Variants in TRMU observed in about 807,000 individuals in gnomAD.
The protein encoded by TRMU is tRNA mitochondrial 2-thiouridylase, also known as mitochondrial tRNA-specific 2-thiouridylase 1.
A neutral mutation model predicts 46.9 loss-of-function variants in TRMU; 49 were observed. The ratio of observed to expected loss-of-function variants is 1.05; its 90% CI spans 0.83 to 1.33. TRMU has a LOEUF of 1.33. Among genes scored for constraint, TRMU ranks in the 40% most tolerant of loss-of-function variants. The pLI, the probability that TRMU is intolerant of heterozygous loss-of-function variation, is 0.00. For synonymous variants in TRMU, 241 were observed against 200.9 expected, an observed-to-expected ratio of 1.20 and a Z score of -1.69; for missense variants, 572 against 532.4, an observed-to-expected ratio of 1.07 and a Z score of -0.73.
Position 46,335,793 on chromosome 22 carries a change from C to G in TRMU, c.29C>G (p.Ala10Gly). Residue 10 changes from alanine to glycine, a missense_variant, in exon 1 of 11, where the codon GCC becomes GGC. By Grantham distance (60) the Ala-to-Gly change is moderately conservative. Transcript: ENST00000645190. MQALRHVVCALSGGVDSAVA... is the reference protein window; with the variant it reads MQALRHVVCGLSGGVDSAVA... ...CAGGCCTTGCGGCACGTCGTGTGCG[C>G]CCTGTCCGGCGGCGTGGACAGCGCC... 1 of 1,561,910 alleles carries G rather than the reference C, an allele frequency of 6.4e-7. No homozygotes were observed. The highest frequency in any genetic ancestry group is 2.4e-5 in the East Asian group (1 of 42,076).
chr22:46,356,253 A>G, intron 10 of TRMU, 181 bp downstream of exon 10: 2 of 642,610 alleles, frequency 3.1e-6, no homozygotes, highest in Non-Finnish European at 5.5e-6. Flanking sequence ...GACAACTGTG[A>G]GAGGATTTCC....
rs190976408 is a variant in TRMU, at chr22:46,347,731, C to G, written c.478+1187C>G. ...TTTCACAGATGAGGAAACCGAGGCCCGGATGAAGCCATCTGACCTGGGTCC... is the reference window on the plus strand; with the variant it reads ...TTTCACAGATGAGGAAACCGAGGCCGGGATGAAGCCATCTGACCTGGGTCC... On this transcript the variant is annotated intron_variant, in intron 4 of 10. Transcript: ENST00000645190. This position sits in a 1 kb window ranked among gnomAD's most constrained non-coding sequence, Gnocchi z 5.0. 6.6e-6 allele frequency among the ~76,000 whole-genome samples: 1 copy of G among 152,162 alleles called. No homozygotes were observed. The highest frequency in any genetic ancestry group is 1.5e-5 in the Non-Finnish European group (1 of 68,030).
At chr22:46,356,603 CT>C in intron 10 of TRMU, 3 of 570,206 alleles carry the variant, frequency 5.3e-6, no homozygotes, top group Non-Finnish European at 9.4e-6. Flanking sequence ...GGAGAGGCCC[CT>C]GTGACTGTCC....
chr22:46,353,126 T>C (rs546657384), intron 7 of TRMU: 4 of 161,016 alleles, frequency 2.5e-5, no homozygotes, highest in Admixed American at 1.1e-4. Context: ...CAGCTTTGCT[T>C]GGGACAGAAC....
rs1403394311 is a variant in TRMU at position 46,336,137 on chromosome 22, G to A, written c.82+291G>A. ...AAGCCGGCGGGCCGGGGTGGGGTGGGGAGGGAAGGGTTTCTCACGGATCTG... is the reference window on the plus strand; with the variant it reads ...AAGCCGGCGGGCCGGGGTGGGGTGGAGAGGGAAGGGTTTCTCACGGATCTG... On this transcript the variant is annotated intron_variant, in intron 1 of 10. Transcript: ENST00000645190. This position sits in a 1 kb window ranked among gnomAD's most constrained non-coding sequence, Gnocchi z 4.1. 1.1e-5 allele frequency: 14 copies of A among 1,326,554 alleles called. No homozygotes were observed. The South Asian group carries it at 1.5e-4, about 14-fold the overall frequency. 82.2% of individuals were successfully genotyped at this position (1,326,554 alleles called of 1,614,324 possible).
rs145106026 is a variant in TRMU at position 46,346,194 on chromosome 22, TTAAG to T, written c.356-225_356-222del. ...AGGCTCTTAAAGGTGCAATAACACTTTAAGTAGCAAGGTTGTATCAGCTTAAGAG... is the reference window on the plus strand; with the variant it reads ...AGGCTCTTAAAGGTGCAATAACACTTTAGCAAGGTTGTATCAGCTTAAGAG... On this transcript the variant is annotated intron_variant, in intron 3 of 10. Coordinates refer to ENST00000645190, the MANE Select transcript of TRMU (RefSeq NM_018006.5). 0.061 allele frequency among the ~76,000 whole-genome samples: 9,318 copies of T among 152,226 alleles called. 345 individuals are homozygous for T. The highest frequency in any genetic ancestry group is 0.085 in the African/African-American group (3,544 of 41,526).
intron 4 of TRMU, among the ~76,000 whole-genome samples, chr22:46,346,836 A>G (rs1338274571): frequency 6.6e-6 from 1 of 152,238 alleles, no homozygotes; most frequent in Non-Finnish European, 1.5e-5. Context: ...TGAATGTTCC[A>G]AAAATATCTG....
intron 1 of TRMU, among the ~76,000 whole-genome samples, chr22:46,337,453 T>A (rs1273519779): frequency 1.3e-5 from 2 of 152,228 alleles, no homozygotes; most frequent in Admixed American, 6.5e-5. Flanking sequence ...GATAACTGAA[T>A]GGTGCTTTGA....
chr22:46,345,807 G>T (rs1377136728), intron 3 of TRMU, among the ~76,000 whole-genome samples: 5 of 143,474 alleles, frequency 3.5e-5, no homozygotes, highest in African/African-American at 1.0e-4. Context: ...TTGCTCTGTT[G>T]CCCAGACTAG....
chr22:46,355,991 GC>G lies in TRMU; in HGVS notation c.1023del (p.Cys342ValfsTer3). On this transcript the variant is annotated frameshift_variant and splice_region_variant, in exon 10 of 11. Transcript: ENST00000645190. LOFTEE classifies it high-confidence loss of function. ...CAAGGGCCCCTCTCTTCTACCCAGT[GC>G]CCTGTGTGCTGACCCTCAATCAAGA... Reference protein sequence around the residue: ...FRFRHQMALVPCVLTLNQDGT... With the variant: ...FRFRHQMALVXCVLTLNQDGT... 6.2e-7 allele frequency: 1 copy of G among 1,613,968 alleles called. No homozygotes were observed. The highest frequency in any genetic ancestry group is 8.5e-7 in the Non-Finnish European group (1 of 1,179,960).
rs1228875991 is a variant in TRMU, at chr22:46,348,556, T to G, written c.479-1735T>G. On this transcript the variant is annotated intron_variant, in intron 4 of 10. Transcript: ENST00000645190. This position sits in a 1 kb window ranked among gnomAD's most constrained non-coding sequence, Gnocchi z 4.8. ...AGGCCTGGCCTGTGACTGGGCTGAT[T>G]TTCCCCCACACAGCGTGCTACCACC... Among the ~76,000 whole-genome samples the G allele has an allele frequency of 6.6e-6, 1 of 152,106 alleles. No homozygotes were observed. The highest frequency in any genetic ancestry group is 1.9e-4 in the East Asian group (1 of 5,188).
At position 46,348,331 on chromosome 22, in the gene TRMU, T is replaced by A. The variant is rs2078313049; in HGVS notation, c.478+1787T>A. Among the ~76,000 whole-genome samples the A allele has an allele frequency of 6.6e-6, 1 of 152,216 alleles. No homozygotes were observed. Among genetic ancestry groups the A allele is most frequent in the Non-Finnish European group, 1.5e-5 (1 of 68,036 alleles). On this transcript the variant is annotated intron_variant, in intron 4 of 10. Coordinates refer to ENST00000645190, the MANE Select transcript of TRMU (RefSeq NM_018006.5). The surrounding 1 kb of genome is among the most constrained non-coding windows in gnomAD (Gnocchi z 4.8). ...GAAACTTGGGACAGTACTGATGCGT[T>A]CTGTTGAGTGCGTTTGGCATGTGGG...
intron 6 of TRMU, 23 bp from the exon 7 acceptor site, chr22:46,352,241 G>T: frequency 3.7e-6 from 6 of 1,614,176 alleles, no homozygotes; most frequent in Non-Finnish European, 5.1e-6. Context: ...ATCTCCGTCG[G>T]TAATGACATG....
Position 46,339,316 on chromosome 22 carries a change from A to ATT in TRMU, c.248+1376_248+1377dup, listed in dbSNP as rs1449733534. On this transcript the variant is annotated intron_variant, in intron 2 of 10. Coordinates refer to ENST00000645190, the MANE Select transcript of TRMU (RefSeq NM_018006.5). The surrounding 1 kb of genome is among the most constrained non-coding windows in gnomAD (Gnocchi z 4.8). ...AGGCATGCACCACCACGCCCGGATA[A>ATT]TTTTTGTATTTTTAGTAGAGACAGG... is the stretch of plus-strand genomic sequence containing the variant. 2.0e-5 allele frequency among the ~76,000 whole-genome samples: 3 copies of ATT among 151,960 alleles called. No homozygotes were observed. The highest frequency in any genetic ancestry group is 2.9e-5 in the Non-Finnish European group (2 of 68,000).
chr22:46,342,326 A>C lies in TRMU; in HGVS notation c.249-936A>C, dbSNP rs2078142960. Reference sequence around the variant, plus strand: ...ATAAAGGATGTTGCAAAGGATACAGATGAAGAGACGGGTTGGGTGAGGTAT... The same window carrying C: ...ATAAAGGATGTTGCAAAGGATACAGCTGAAGAGACGGGTTGGGTGAGGTAT... On this transcript the variant is annotated intron_variant, in intron 2 of 10. Coordinates refer to ENST00000645190, the MANE Select transcript of TRMU (RefSeq NM_018006.5). The surrounding 1 kb of genome is among the most constrained non-coding windows in gnomAD (Gnocchi z 4.7). 6.6e-6 allele frequency among the ~76,000 whole-genome samples: 1 copy of C among 152,232 alleles called. No homozygotes were observed. The highest frequency in any genetic ancestry group is 6.5e-5 in the Admixed American group (1 of 15,286).
chr22:46,337,910 T>G lies in TRMU; in HGVS notation c.214T>G (p.Ser72Ala). 6.2e-7 allele frequency: 1 copy of G among 1,614,198 alleles called. No individual in the cohort carries two copies. Among genetic ancestry groups the G allele is most frequent in the South Asian group, 1.1e-5 (1 of 91,078 alleles). The change falls in exon 2 of 11, where the codon TCC becomes GCC. Residue 72 changes from serine (S) to alanine (A), a missense_variant. Transcript: ENST00000645190. ...QILDIPFHQV[S>A]YVKEYWNDVF... ...CTTAGACATCCCTTTCCATCAAGTG[T>G]CCTACGTAAAGGAGTATTGGAATGA...
At position 46,355,577 on chromosome 22, in the gene TRMU, A is replaced by C. The variant is rs796052192; in HGVS notation, c.1007A>C (p.Gln336Pro). Reference protein sequence around the residue: ...MMECHFRFRHQMALVPCVLTL... With the variant: ...MMECHFRFRHPMALVPCVLTL... ...GAGTGCCACTTCCGATTCCGCCACC[A>C]GATGGCACTAGGTGACTGACGGGAG... The change falls in exon 9 of 11, where the codon CAG becomes CCG. Residue 336 changes from glutamine to proline, a missense_variant. Gln to Pro is a moderately conservative substitution (Grantham distance 76). Coordinates refer to ENST00000645190, the MANE Select transcript of TRMU (RefSeq NM_018006.5). 3.7e-6 allele frequency: 6 copies of C among 1,613,246 alleles called. No homozygotes were observed. Among genetic ancestry groups the C allele is most frequent in the East Asian group, 4.5e-5 (2 of 44,898 alleles).
At chr22:46,355,252 C>A in intron 8 of TRMU, 192 bp from the exon 9 acceptor site, 1 of 810,164 alleles carries the variant, frequency 1.2e-6, no homozygotes, top group Non-Finnish European at 2.0e-6. Flanking sequence ...GTCTCCTCAT[C>A]TGTAAAATGG....
rs904123156 is a variant in TRMU, at chr22:46,338,130, C to G, written c.248+186C>G. The G allele has an allele frequency of 8.7e-6, 6 of 691,770 alleles. No individual in the cohort carries two copies. The highest frequency in any genetic ancestry group is 1.3e-5 in the Non-Finnish European group (5 of 399,850). 42.9% of individuals were successfully genotyped at this position (691,770 alleles called of 1,614,324 possible). A position where few individuals can be genotyped will look rare whatever the true frequency, so the allele number is the denominator to read the frequency against. ...CTGTGTTAGAGGCGAGGCCTGGACC[C>G]CACAGCACACCCAGCTCTCTCACTC... On this transcript the variant is annotated intron_variant, in intron 2 of 10. Transcript: ENST00000645190. The surrounding 1 kb of genome is among the most constrained non-coding windows in gnomAD (Gnocchi z 4.5).
Sources: gnomAD v4.1 joint callset for allele counts (sites outside exome capture counted in the v4.1 genomes callset) on GRCh38, gnomAD v4.1.1 for gene constraint, Gnocchi (gnomAD v3.1) non-coding constraint, MANE v1.5 for transcripts, NCBI Gene and HGNC (gene_info 2026-07-23, HGNC 2026-07-21) for gene names.